ISLR2: variants seen among roughly 807,000 people sequenced by gnomAD.
ISLR2 encodes immunoglobulin superfamily containing leucine rich repeat 2, also known as immunoglobulin superfamily containing leucine-rich repeat protein 2.
Under a neutral mutation model 25.5 loss-of-function variants are expected in ISLR2, and 16 were observed. The observed-to-expected ratio is 0.63, with a 90% CI of 0.43 to 0.95. The LOEUF is 0.95. Ranked by LOEUF, ISLR2 falls within the 40% of genes least tolerant of loss-of-function variation. The probability of loss-of-function intolerance (pLI) is 0.00; values close to 1 mark genes in which losing one functional copy is unlikely to be tolerated. For missense variants in ISLR2, 883 were observed against 1,030.7 expected (o/e 0.86, Z 1.96); for synonymous variants, 508 against 486.6 (o/e 1.04, Z -0.58).
chr15:74,131,694 G>A (rs1292798221), intron 2 of ISLR2, among the ~76,000 whole-genome samples: 1 of 152,168 alleles, frequency 6.6e-6, no homozygotes, highest in Non-Finnish European at 1.5e-5. Context: ...GGCTGAGGAC[G>A]CCTCTGCCCA....
At position 74,134,842 on chromosome 15, in the gene ISLR2, G is replaced by A. The variant is rs1567165198; in HGVS notation, c.2088G>A (p.Leu696=). 3.1e-6 allele frequency: 5 copies of A among 1,614,186 alleles called. No homozygotes were observed. The highest frequency in any genetic ancestry group is 4.2e-6 in the Non-Finnish European group (5 of 1,180,026). The change falls in exon 3 of 3, where the codon CTG becomes CTA. Residue 696 remains leucine, a synonymous_variant. Transcript: ENST00000453268. ...GGGACCTGCAGAGAGAGGAGAGCCTGGCGGCCTGCTCACTGGTGGAGTCCC... is the reference window on the plus strand; with the variant it reads ...GGGACCTGCAGAGAGAGGAGAGCCTAGCGGCCTGCTCACTGGTGGAGTCCC... ...PSGDLQREES[L]AACSLVESQS...
rs1207930913 is a variant in ISLR2, at chr15:74,134,567, A to T, written c.1813A>T (p.Thr605Ser). The change falls in exon 3 of 3, where the codon ACA (threonine) becomes TCA (serine). Residue 605 changes from threonine (T) to serine (S), a missense_variant. Physicochemically the swap from Thr to Ser is moderately conservative, Grantham distance 58 (BLOSUM62 1). Transcript: ENST00000453268. Reference protein sequence around the residue: ...AVSVFLLVLATVPLLGAACCH... With the variant: ...AVSVFLLVLASVPLLGAACCH... Reference sequence around the variant, plus strand: ...GAGCGTATTCCTCCTGGTGCTGGCCACAGTGCCCCTTCTGGGCGCCGCCTG... The same window carrying T: ...GAGCGTATTCCTCCTGGTGCTGGCCTCAGTGCCCCTTCTGGGCGCCGCCTG... 2 of 1,614,106 alleles carry T rather than the reference A, an allele frequency of 1.2e-6. No homozygotes were observed. The highest frequency in any genetic ancestry group is 1.1e-5 in the South Asian group (1 of 91,090).
rs1358213899 is a variant in ISLR2 at position 74,134,388 on chromosome 15, G to A, written c.1634G>A (p.Arg545His). 1 of 1,608,840 alleles carries A rather than the reference G, an allele frequency of 6.2e-7. No homozygotes were observed. The highest frequency in any genetic ancestry group is 8.5e-7 in the Non-Finnish European group (1 of 1,178,780). The change falls in exon 3 of 3, where the codon CGC becomes CAC. Residue 545 changes from arginine (R) to histidine (H), a missense_variant. This residue lies in a region of ISLR2 where 612 missense variants were observed against 642.8 expected (regional missense o/e 0.95). Coordinates refer to ENST00000453268, the MANE Select transcript of ISLR2 (RefSeq NM_020851.3). ...AGGGAAVQWS[R>H]VEEGVNAYWF... The stretch of plus-strand genomic sequence containing the variant: ...GGCGGCGCGGCAGTGCAGTGGTCCC[G>A]CGTAGAGGAAGGCGTCAACGCCTAC...
At chr15:74,113,058 G>A (rs1439234416) in intron 2 of ISLR2, among the ~76,000 whole-genome samples, 2 of 152,176 alleles carry the variant, frequency 1.3e-5, no homozygotes, top group African/African-American at 4.8e-5. Context: ...GTATGAAACT[G>A]TTCCACTTCA....
chr15:74,111,925 C>T (rs1480434153), intron 2 of ISLR2, among the ~76,000 whole-genome samples: 7 of 152,144 alleles, frequency 4.6e-5, no homozygotes, highest in South Asian at 2.1e-4. Context: ...AGTCTACATA[C>T]GTGATAAAAT....
chr15:74,119,766 T>C (rs2072238446), intron 2 of ISLR2, among the ~76,000 whole-genome samples: 1 of 152,206 alleles, frequency 6.6e-6, no homozygotes, highest in Admixed American at 6.5e-5. Flanking sequence ...GAGGGAATAA[T>C]TGAATATAAT....
chr15:74,129,355 C>T (rs938054144), upstream of ISLR2: 1 of 260,126 alleles, frequency 3.8e-6, no homozygotes, highest in East Asian at 1.2e-4. The surrounding 1 kb of genome is among the most constrained non-coding windows in gnomAD (Gnocchi z 4.5). Flanking sequence ...CCTCCCCTAG[C>T]TCATTAAGAT....
chr15:74,127,110 C>T (rs2072308671), upstream of ISLR2: 2 of 152,116 alleles, frequency 1.3e-5, no homozygotes, highest in Admixed American at 1.3e-4. Context: ...CTCAGAGGCC[C>T]TTCCCACATC....
chr15:74,123,236 C>T (rs938202777), upstream of ISLR2, among the ~76,000 whole-genome samples: 4 of 151,958 alleles, frequency 2.6e-5, no homozygotes, highest in East Asian at 1.9e-4. Flanking sequence ...AGAGATGAGG[C>T]GGGAGGCGGG....
In ISLR2 at chr15:74,132,794, C is replaced by A. The variant is rs993890796; in HGVS notation, c.40C>A (p.Leu14Ile). Residue 14 changes from leucine (L) to isoleucine (I), a missense_variant, in exon 3 of 3, where the codon CTA becomes ATA. By Grantham distance (5) the Leu-to-Ile change is conservative (BLOSUM62 2). This residue lies in a region of ISLR2 where 271 missense variants were observed against 387.9 expected (regional missense o/e 0.70). Coordinates refer to ENST00000453268, the MANE Select transcript of ISLR2 (RefSeq NM_020851.3). The surrounding 1 kb of genome is among the most constrained non-coding windows in gnomAD (Gnocchi z 4.3). ...GGCCCTGTGGTTGGTCTGGGCGCTT[C>A]TAGGAGTGGCCGGATCATGCCCGGA... ...LRALWLVWAL[L>I]GVAGSCPEPC... The A allele has an allele frequency of 6.2e-7, 1 of 1,613,970 alleles. No homozygotes were observed. Among genetic ancestry groups the A allele is most frequent in the African/African-American group, 1.3e-5 (1 of 74,944 alleles).
chr15:74,134,887 G>T lies in ISLR2; in HGVS notation c.2133G>T (p.Glu711Asp). Residue 711 changes from glutamate to aspartate, a missense_variant, in exon 3 of 3, where the codon GAG (glutamate) becomes GAT (aspartate). Around this residue, in one of 2 missense-constraint regions of ISLR2, gnomAD observed 612 missense variants for 642.8 expected, o/e 0.95. Transcript: ENST00000453268. ...AGTCCCAGTCCAAGGCCAACCAAGA[G>T]GAGTTCGAGGCGGGCTCTGAGTACA... is the stretch of plus-strand genomic sequence containing the variant. Reference protein sequence around the residue: ...LVESQSKANQEEFEAGSEYSD... With the variant: ...LVESQSKANQDEFEAGSEYSD... 1 of 1,614,104 alleles carries T rather than the reference G, an allele frequency of 6.2e-7. No individual in the cohort carries two copies. The highest frequency in any genetic ancestry group is 8.5e-7 in the Non-Finnish European group (1 of 1,180,020).
chr15:74,124,057 A>T (rs1246990359), upstream of ISLR2, among the ~76,000 whole-genome samples: 1 of 151,768 alleles, frequency 6.6e-6, no homozygotes, highest in Non-Finnish European at 1.5e-5. Flanking sequence ...TATGCCTACC[A>T]GAGTTTCCTG....
chr15:74,134,248 G>C lies in ISLR2; in HGVS notation c.1494G>C (p.Ala498=). The C allele has an allele frequency of 6.3e-7, 1 of 1,580,886 alleles. No homozygotes were observed. The highest frequency in any genetic ancestry group is 8.6e-7 in the Non-Finnish European group (1 of 1,163,650). ...VIALDVAERE[A]RVQLTPLAAR... is the part of the protein sequence containing the mutation. ...CGCTGGATGTGGCGGAGCGCGAGGC[G>C]CGGGTGCAGCTGACTCCGCTGGCTG... The change falls in exon 3 of 3, where the codon GCG becomes GCC. Residue 498 remains alanine, a synonymous_variant. Transcript: ENST00000453268.
At position 74,133,817 on chromosome 15, in the gene ISLR2, T is replaced by C; in HGVS notation, c.1063T>C (p.Cys355Arg). The C allele has an allele frequency of 6.2e-7, 1 of 1,613,908 alleles. No individual in the cohort carries two copies. Among genetic ancestry groups the C allele is most frequent in the Non-Finnish European group, 8.5e-7 (1 of 1,179,938 alleles). ...LSAKEAGVYTCRAHNELGANS... is the reference protein window; with the variant it reads ...LSAKEAGVYTRRAHNELGANS... ...TGCCAAGGAGGCGGGCGTCTACACT[T>C]GCCGTGCACACAATGAGCTGGGCGC... Residue 355 changes from cysteine (C) to arginine (R), a missense_variant, in exon 3 of 3, where the codon TGC becomes CGC. Around this residue, in one of 2 missense-constraint regions of ISLR2, gnomAD observed 612 missense variants for 642.8 expected, o/e 0.95. Coordinates refer to ENST00000453268, the MANE Select transcript of ISLR2 (RefSeq NM_020851.3).
rs114366458 is a variant in ISLR2 at position 74,135,124 on chromosome 15, C to G, written c.*132C>G. On this transcript the variant is annotated 3_prime_UTR_variant, in exon 3 of 3. Transcript: ENST00000453268. ...CTCCTCCCCCTTACTACTCCCCAAC[C>G]TTGACTACCAGGGACTTCTATTAGG... 2.9e-3 allele frequency: 3,178 copies of G among 1,109,626 alleles called. 80 individuals are homozygous for G. The African/African-American group carries it at 0.045, about 16-fold the overall frequency. The allele number at this position is 1,109,626 out of a possible 1,614,324, so 68.7% of individuals were successfully genotyped here. A position where few individuals can be genotyped will look rare whatever the true frequency, so the allele number is the denominator to read the frequency against.
chr15:74,136,966 C>T (rs561823393), downstream of ISLR2, among the ~76,000 whole-genome samples: 9 of 152,156 alleles, frequency 5.9e-5, no homozygotes, highest in South Asian at 1.9e-3. Flanking sequence ...GTGTTTGCAC[C>T]CAGCCCTGCT....
rs749773881 is a variant in ISLR2, at chr15:74,135,005, C to A, written c.*13C>A. The A allele has an allele frequency of 6.2e-7, 1 of 1,606,176 alleles. No individual in the cohort carries two copies. The highest frequency in any genetic ancestry group is 8.5e-7 in the Non-Finnish European group (1 of 1,175,670). ...GACGGCAGGCTGAACCTCCGCCCGT[C>A]CGGCCCGCCCATTCCCGACCTCCAC... On this transcript the variant is annotated 3_prime_UTR_variant, in exon 3 of 3. Coordinates refer to ENST00000453268, the MANE Select transcript of ISLR2 (RefSeq NM_020851.3).
At position 74,132,246 on chromosome 15, in the gene ISLR2, C is replaced by A. The variant is rs1400077508; in HGVS notation, c.-8-501C>A. The stretch of plus-strand genomic sequence containing the variant: ...TCCTCTAAACCCCTGCAGAAGTTGG[C>A]GGTTTGATTATGAAGCCCCGCGTCT... On this transcript the variant is annotated intron_variant, in intron 2 of 2. Coordinates refer to ENST00000453268, the MANE Select transcript of ISLR2 (RefSeq NM_020851.3). This position sits in a 1 kb window ranked among gnomAD's most constrained non-coding sequence, Gnocchi z 4.3. Among the ~76,000 whole-genome samples the A allele has an allele frequency of 1.3e-5, 2 of 152,126 alleles. No homozygotes were observed. Among genetic ancestry groups the A allele is most frequent in the Non-Finnish European group, 2.9e-5 (2 of 68,030 alleles).
chr15:74,117,767 A>C (rs1438859373), intron 2 of ISLR2, among the ~76,000 whole-genome samples: 2 of 152,152 alleles, frequency 1.3e-5, no homozygotes, highest in Admixed American at 6.5e-5. Context: ...TAGCTAACAC[A>C]ACAGCTCCCT....
Sources: gnomAD v4.1 joint callset for allele counts (sites outside exome capture counted in the v4.1 genomes callset) on GRCh38, gnomAD v4.1.1 for gene constraint, gnomAD v4.1.1 regional missense constraint, Gnocchi (gnomAD v3.1) non-coding constraint, MANE v1.5 for transcripts, NCBI Gene and HGNC (gene_info 2026-07-23, HGNC 2026-07-21) for gene names.